PAX6: variants seen among roughly 807,000 people sequenced by gnomAD.
The protein encoded by PAX6 is paired box 6, also known as paired box protein Pax-6.
A neutral mutation model predicts 60.7 loss-of-function variants in PAX6; 7 were observed. That is an observed-to-expected ratio of 0.12 (90% CI 0.07 to 0.22). PAX6 has a LOEUF of 0.22. PAX6 is among the 10% of genes least tolerant of loss of function. The pLI, the probability that PAX6 is intolerant of heterozygous loss-of-function variation, is 1.00. For synonymous variants in PAX6, 208 were observed against 201.2 expected (o/e 1.03, Z -0.29); for missense variants, 355 against 555.2 (o/e 0.64, Z 3.62).
chr11:31,806,757 T>C, intron 3 of PAX6, 92 bp downstream of exon 3: 1 of 346,842 alleles, frequency 2.9e-6, no homozygotes, highest in Non-Finnish European at 5.2e-6. Context: ...ATTTATTTTC[T>C]TCTATCTGAA....
chr11:31,803,616 C>A (rs1035926834), intron 4 of PAX6: 6 of 152,354 alleles, frequency 3.9e-5, no homozygotes, highest in African/African-American at 1.4e-4. Context: ...AGAGCCCGGG[C>A]TCGGCTTCAG....
intron 8 of PAX6, among the ~76,000 whole-genome samples, chr11:31,797,425 C>T (rs1420655671): frequency 6.6e-6 from 1 of 151,882 alleles, no homozygotes; most frequent in Non-Finnish European, 1.5e-5. Context: ...CACGCGATCG[C>T]CGCCAGGCCC....
rs1956930179 is a variant in PAX6, at chr11:31,810,876, G to A, written c.-177C>T. Reference sequence around the variant, plus strand: ...TGTCACAGCTTCTGTCAAGAGTTTTGTTTGGTTGGGGTTTTTTGTGCTGCT... The same window carrying A: ...TGTCACAGCTTCTGTCAAGAGTTTTATTTGGTTGGGGTTTTTTGTGCTGCT... On this transcript the variant is annotated 5_prime_UTR_variant, in exon 2 of 14. Coordinates refer to ENST00000640368, the MANE Select transcript of PAX6 (RefSeq NM_001368894.2). 1 of 399,072 alleles carries A rather than the reference G, an allele frequency of 2.5e-6. No individual in the cohort carries two copies. Among genetic ancestry groups the A allele is most frequent in the South Asian group, 1.3e-4 (1 of 7,866 alleles). 24.7% of individuals were successfully genotyped at this position (399,072 alleles called of 1,614,324 possible). A position where few individuals can be genotyped will look rare whatever the true frequency, so the allele number is the denominator to read the frequency against.
At chr11:31,794,563 C>G (rs531732800) in intron 9 of PAX6, 67 bp downstream of exon 9, 1 of 1,531,140 alleles carries the variant, frequency 6.5e-7, no homozygotes, top group Admixed American at 1.7e-5. Flanking sequence ...CTAAATTTAG[C>G]TCTTTGTACT....
At chr11:31,810,677 G>T in intron 2 of PAX6, 151 bp downstream of exon 2, 1 of 396,692 alleles carries the variant, frequency 2.5e-6, no homozygotes, top group Non-Finnish European at 4.4e-6. Context: ...GAAAGTTTGG[G>T]CTCCTGCGTG....
intron 13 of PAX6, 127 bp from the exon 14 acceptor site, chr11:31,790,146 G>C: frequency 1.5e-6 from 1 of 685,084 alleles, no homozygotes; most frequent in African/African-American, 2.0e-5. Context: ...ATTTTTTACT[G>C]TATTAAAATC....
In PAX6 at chr11:31,789,273, TAAAAC is replaced by T; in HGVS notation, c.*656_*660del. ...GAAGACAAATACTTACATTTTGACATAAAACAAATTGGATTATATCGAAGACACAC... is the reference window on the plus strand; with the variant it reads ...GAAGACAAATACTTACATTTTGACATAAATTGGATTATATCGAAGACACAC... On this transcript the variant is annotated 3_prime_UTR_variant, in exon 14 of 14. Transcript: ENST00000640368. 4.5e-6 allele frequency: 1 copy of T among 221,446 alleles called. No individual in the cohort carries two copies. Among genetic ancestry groups the T allele is most frequent in the Non-Finnish European group, 9.0e-6 (1 of 110,906 alleles). 13.7% of individuals were successfully genotyped at this position (221,446 alleles called of 1,614,324 possible). A position where few individuals can be genotyped will look rare whatever the true frequency, so the allele number is the denominator to read the frequency against.
chr11:31,802,360 C>T (rs1175337703), intron 5 of PAX6: 1 of 319,526 alleles, frequency 3.1e-6, no homozygotes, highest in Non-Finnish European at 5.7e-6. Flanking sequence ...TGAAATTATG[C>T]CGGTTTATAT....
At chr11:31,807,916 A>C (rs2098660033) in intron 2 of PAX6, 1 of 152,142 alleles carries the variant, frequency 6.6e-6, no homozygotes, top group Non-Finnish European at 1.5e-5. Flanking sequence ...AAGGAAAAAA[A>C]AAAAAAGTCT....
At position 31,790,786 on chromosome 11, in the gene PAX6, A is replaced by G. The variant is rs1949667472; in HGVS notation, c.1149T>C (p.Tyr383=). The change falls in exon 13 of 14, where the codon TAT becomes TAC. Residue 383 remains tyrosine (Y), a synonymous_variant. Coordinates refer to ENST00000640368, the MANE Select transcript of PAX6 (RefSeq NM_001368894.2). ...PTSPSVNGRS[Y]DTYTPPHMQT... ...GCATATGTGGGGGGGTGTAGGTATC[A>G]TAACTCCGCCCATTCACCGAAGGGC... is the stretch of plus-strand genomic sequence containing the variant. The G allele has an allele frequency of 1.9e-6, 3 of 1,613,970 alleles. No homozygotes were observed. Among genetic ancestry groups the G allele is most frequent in the Non-Finnish European group, 1.7e-6 (2 of 1,180,014 alleles).
At chr11:31,816,246 A>T (rs1237211213), upstream of PAX6, 3 of 246,634 alleles carry the variant, frequency 1.2e-5, no homozygotes, top group Non-Finnish European at 2.3e-5. Flanking sequence ...TCTAAAATAA[A>T]TAAATAAACT....
intron 13 of PAX6, 93 bp from the exon 14 acceptor site, chr11:31,790,112 A>AAAAAAC: frequency 1.3e-6 from 1 of 798,252 alleles, no homozygotes; most frequent in Admixed American, 2.7e-5. Context: ...AAAAAAAAAA[A>AAAAAAC]AAAAAAAACT....
At chr11:31,806,483 G>A in intron 3 of PAX6, 21 bp from the exon 4 acceptor site, 1 of 1,562,946 alleles carries the variant, frequency 6.4e-7, no homozygotes, top group African/African-American at 1.4e-5. Flanking sequence ...GAAAATAGGA[G>A]TTAATCCTCG....
intron 1 of PAX6, among the ~76,000 whole-genome samples, chr11:31,817,088 T>C (rs1957417036): frequency 6.6e-6 from 1 of 152,226 alleles, no homozygotes; most frequent in African/African-American, 2.4e-5. Flanking sequence ...CCGGCTCCCA[T>C]GGCGCCCGCG....
At position 31,802,787 on chromosome 11, in the gene PAX6, G is replaced by A; in HGVS notation, c.58C>T (p.Pro20Ser). 1 of 1,614,080 alleles carries A rather than the reference G, an allele frequency of 6.2e-7. No homozygotes were observed. Among genetic ancestry groups the A allele is most frequent in the East Asian group, 2.2e-5 (1 of 44,864 alleles). ...TTCTGCCGGGTGGAGTCCGGCAGTG[G>A]CCGCCCGTTGACAAAGACACCACCG... is the stretch of plus-strand genomic sequence containing the variant. ...QLGGVFVNGR[P>S]LPDSTRQKIV... is the part of the protein sequence containing the mutation. Residue 20 changes from proline (P) to serine (S), a missense_variant, in exon 5 of 14, where the codon CCA becomes TCA. By Grantham distance (74) the Pro-to-Ser change is moderately conservative. This residue lies in a region of PAX6 where 41 missense variants were observed against 77.1 expected (regional missense o/e 0.53). Coordinates refer to ENST00000640368, the MANE Select transcript of PAX6 (RefSeq NM_001368894.2).
Position 31,789,861 on chromosome 11 carries a change from A to G in PAX6, c.*73T>C. ...ATTTTTCTTTCTTTCCTGAAAGCTCAACTGTTGTGTCCCCATAGTCACTGA... is the reference window on the plus strand; with the variant it reads ...ATTTTTCTTTCTTTCCTGAAAGCTCGACTGTTGTGTCCCCATAGTCACTGA... On this transcript the variant is annotated 3_prime_UTR_variant, in exon 14 of 14. Coordinates refer to ENST00000640368, the MANE Select transcript of PAX6 (RefSeq NM_001368894.2). 7.4e-7 allele frequency: 1 copy of G among 1,355,736 alleles called. No individual in the cohort carries two copies. Among genetic ancestry groups the G allele is most frequent in the Non-Finnish European group, 1.0e-6 (1 of 965,116 alleles). The allele number at this position is 1,355,736 out of a possible 1,614,324, so 84.0% of individuals were successfully genotyped here.
chr11:31,796,250 C>CT (rs1565212525), intron 8 of PAX6, among the ~76,000 whole-genome samples: 1 of 152,140 alleles, frequency 6.6e-6, no homozygotes, highest in Non-Finnish European at 1.5e-5. Context: ...TATTAAACTC[C>CT]TGGGGCAGGA....
chr11:31,815,771 CAA>C (rs5790868), upstream of PAX6, among the ~76,000 whole-genome samples: 25 of 137,706 alleles, frequency 1.8e-4, no homozygotes, highest in Non-Finnish European at 1.1e-4. Flanking sequence ...GCGCTATCTC[CAA>C]AAAAAAAAAA....
intron 8 of PAX6, among the ~76,000 whole-genome samples, chr11:31,796,624 G>A (rs996697804): frequency 8.4e-6 from 1 of 119,094 alleles, no homozygotes; most frequent in African/African-American, 3.2e-5. Flanking sequence ...AAGGATTGGG[G>A]GGCCTGGGTT....
Sources: allele counts gnomAD v4.1 joint callset (sites outside exome capture counted in the v4.1 genomes callset), GRCh38; gene constraint gnomAD v4.1.1; regional missense constraint gnomAD v4.1.1; transcripts MANE v1.5; gene names NCBI Gene and HGNC (gene_info 2026-07-23, HGNC 2026-07-21).